ZNF76: variants seen among roughly 807,000 people sequenced by gnomAD.
ZNF76 encodes the protein zinc finger protein 76, also known as zinc finger protein 523.
Under a neutral mutation model 66.9 loss-of-function variants are expected in ZNF76, and 66 were observed. The ratio of observed to expected loss-of-function variants is 0.99; its 90% CI spans 0.81 to 1.21. The LOEUF (loss-of-function observed/expected upper bound fraction) is 1.21, where lower values mean the gene tolerates loss of function less well. Ranked by LOEUF, ZNF76 falls within the 50% of genes most tolerant of loss-of-function variation. The pLI is 0.00. For missense variants in ZNF76, 729 were observed against 760.3 expected (o/e 0.96, Z 0.48); for synonymous variants, 275 against 296.1 (o/e 0.93, Z 0.73).
At chr6:35,260,250 C>G (rs1785026352) in intron 1 of ZNF76, among the ~76,000 whole-genome samples, 1 of 152,112 alleles carries the variant, frequency 6.6e-6, no homozygotes, top group African/African-American at 2.4e-5. Context: ...GAGATCCCCA[C>G]ACTCCTCCTT....
chr6:35,281,150 C>T lies in ZNF76; in HGVS notation c.-2C>T, dbSNP rs750061659. Reference sequence around the variant, plus strand: ...GTCTGAGTGCACGAGCAGCAGTTTGCCATGGAGAGCTTGGGGCTGCACACG... The same window carrying T: ...GTCTGAGTGCACGAGCAGCAGTTTGTCATGGAGAGCTTGGGGCTGCACACG... On this transcript the variant is annotated 5_prime_UTR_variant, in exon 2 of 14. Coordinates refer to ENST00000373953, the MANE Select transcript of ZNF76 (RefSeq NM_003427.5). The T allele has an allele frequency of 6.2e-7, 1 of 1,613,978 alleles. No individual in the cohort carries two copies. Among genetic ancestry groups the T allele is most frequent in the Non-Finnish European group, 8.5e-7 (1 of 1,179,990 alleles).
Position 35,261,970 on chromosome 6 carries a change from A to G in ZNF76, c.-97+2129A>G, listed in dbSNP as rs147706739. ...GTTCATGGCTTAGGCCCCTATAACA[A>G]CAGATTTAATAAGAGAAGATTATAT... On this transcript the variant is annotated intron_variant, in intron 1 of 13. Coordinates refer to ENST00000373953, the MANE Select transcript of ZNF76 (RefSeq NM_003427.5). Among the ~76,000 whole-genome samples, 33 of 152,342 alleles carry G rather than the reference A, an allele frequency of 2.2e-4. No homozygotes were observed. In the East Asian group the frequency reaches 6.2e-3, roughly 28 times the overall value.
At chr6:35,271,182 C>T (rs1787000469) in intron 1 of ZNF76, among the ~76,000 whole-genome samples, 1 of 152,140 alleles carries the variant, frequency 6.6e-6, no homozygotes, top group Non-Finnish European at 1.5e-5. Flanking sequence ...GGACATGTGC[C>T]ATTTTCACGC....
chr6:35,286,604 G>A, intron 4 of ZNF76: 1 of 617,116 alleles, frequency 1.6e-6, no homozygotes, highest in Admixed American at 2.5e-5. Flanking sequence ...CTGCAACTGG[G>A]AGGTGAGCCT....
chr6:35,273,453 G>A (rs1464219887), intron 1 of ZNF76, among the ~76,000 whole-genome samples: 2 of 151,304 alleles, frequency 1.3e-5, no homozygotes, highest in African/African-American at 2.4e-5. Context: ...GGTTATAGGC[G>A]TGAGCCACTG....
intron 1 of ZNF76, among the ~76,000 whole-genome samples, chr6:35,260,830 A>G (rs1785142111): frequency 6.6e-6 from 1 of 152,070 alleles, no homozygotes; most frequent in Admixed American, 6.5e-5. Flanking sequence ...ATTTTTTGCA[A>G]TCATTTTTGT....
rs759340295 is a variant in ZNF76 at position 35,295,193 on chromosome 6, C to G, written c.1658C>G (p.Ala553Gly). The change falls in exon 14 of 14, where the codon GCC becomes GGC. Residue 553 changes from alanine to glycine, a missense_variant. By Grantham distance (60) the Ala-to-Gly change is moderately conservative. Coordinates refer to ENST00000373953, the MANE Select transcript of ZNF76 (RefSeq NM_003427.5). Reference sequence around the variant, plus strand: ...GAGGCCATCAATGTGGCCACTGCGGCCATGCAGCAAGGGGCTGTGACCCTG... The same window carrying G: ...GAGGCCATCAATGTGGCCACTGCGGGCATGCAGCAAGGGGCTGTGACCCTG... ...LEEAINVATA[A>G]MQQGAVTLET... The G allele has an allele frequency of 6.2e-7, 1 of 1,612,364 alleles. No homozygotes were observed. The highest frequency in any genetic ancestry group is 1.1e-5 in the South Asian group (1 of 90,584).
intron 1 of ZNF76, among the ~76,000 whole-genome samples, chr6:35,267,084 C>A (rs916925388): frequency 3.2e-4 from 48 of 151,394 alleles, no homozygotes; most frequent in Middle Eastern, 3.4e-3. Context: ...CAGGCTTGAG[C>A]CACTGCATCC....
intron 9 of ZNF76, 122 bp downstream of exon 9, chr6:35,291,859 G>T: frequency 8.3e-7 from 1 of 1,200,704 alleles, no homozygotes. Flanking sequence ...GCCATTCCAG[G>T]CTGGTCTGGG....
intron 1 of ZNF76, among the ~76,000 whole-genome samples, chr6:35,266,307 C>T (rs192546239): frequency 1.2e-4 from 19 of 152,128 alleles, no homozygotes; most frequent in Admixed American, 1.2e-3. Flanking sequence ...TGCATGCCAG[C>T]GCACCCGGCT....
intron 1 of ZNF76, among the ~76,000 whole-genome samples, chr6:35,280,754 T>C (rs774149362): frequency 5.3e-4 from 81 of 152,278 alleles, no homozygotes; most frequent in Middle Eastern, 3.4e-3. Flanking sequence ...AGCAGTGGGG[T>C]TAACTGCCTG....
Position 35,292,323 on chromosome 6 carries a change from C to A in ZNF76, c.932-231C>A. ...CCCCTTCACTAGCCCCAGCCTTGCC[C>A]TGTCCCCCGTTTCCTTTCCGCCTTG... On this transcript the variant is annotated intron_variant, in intron 9 of 13. Coordinates refer to ENST00000373953, the MANE Select transcript of ZNF76 (RefSeq NM_003427.5). The surrounding 1 kb of genome is among the most constrained non-coding windows in gnomAD (Gnocchi z 4.7). 1 of 583,668 alleles carries A rather than the reference C, an allele frequency of 1.7e-6. No individual in the cohort carries two copies. The highest frequency in any genetic ancestry group is 3.1e-6 in the Non-Finnish European group (1 of 323,642). 36.2% of individuals were successfully genotyped at this position (583,668 alleles called of 1,614,324 possible).
chr6:35,293,750 G>C lies in ZNF76; in HGVS notation c.1330-1G>C. ...AGCTCATCTTCCCCTCCTGTTGGCA[G>C]GTCAGCCTGTCCCCGGAAGACCTGC... On this transcript the variant is annotated splice_acceptor_variant, in intron 11 of 13. Coordinates refer to ENST00000373953, the MANE Select transcript of ZNF76 (RefSeq NM_003427.5). LOFTEE classifies it high-confidence loss of function. 1 of 1,613,682 alleles carries C rather than the reference G, an allele frequency of 6.2e-7. No homozygotes were observed. Among genetic ancestry groups the C allele is most frequent in the Non-Finnish European group, 8.5e-7 (1 of 1,179,778 alleles).
chr6:35,286,742 G>T, intron 4 of ZNF76: 1 of 370,712 alleles, frequency 2.7e-6, no homozygotes, highest in South Asian at 3.1e-5. Context: ...TTAGAATGAA[G>T]CTCCTAAGGT....
chr6:35,279,841 T>C (rs1386659758), intron 1 of ZNF76: 1 of 152,164 alleles, frequency 6.6e-6, no homozygotes, highest in Admixed American at 6.5e-5. Flanking sequence ...ATTTATCTTA[T>C]TATTATTTTT....
rs557142343 is a variant in ZNF76 at position 35,278,231 on chromosome 6, C to T, written c.-96-2825C>T. Among the ~76,000 whole-genome samples the T allele has an allele frequency of 4.6e-5, 7 of 152,204 alleles. 1 individual carries two copies. The highest frequency in any genetic ancestry group is 7.2e-5 in the African/African-American group (3 of 41,534). ...TTGCCCAGGCTGGAGTGCAATGACA[C>T]GATCTCGGCTCACCGCAACCTCTGC... On this transcript the variant is annotated intron_variant, in intron 1 of 13. Transcript: ENST00000373953.
At chr6:35,284,168 T>C (rs1789187248) in intron 2 of ZNF76, among the ~76,000 whole-genome samples, 2 of 152,096 alleles carry the variant, frequency 1.3e-5, no homozygotes, top group Admixed American at 1.3e-4. Context: ...CTCGGCTCAC[T>C]GCAACCTTCG....
intron 1 of ZNF76, among the ~76,000 whole-genome samples, chr6:35,274,512 CT>C (rs1344440366): frequency 6.6e-6 from 1 of 152,192 alleles, no homozygotes; most frequent in East Asian, 1.9e-4. Flanking sequence ...TATTTTTCTC[CT>C]TTGAGGAGGC....
At chr6:35,286,568 G>C in intron 4 of ZNF76, 169 bp downstream of exon 4, 1 of 670,380 alleles carries the variant, frequency 1.5e-6, no homozygotes, top group African/African-American at 1.8e-5. Flanking sequence ...CACCTTCCCT[G>C]GTGCAGACCA....
Sources: allele counts gnomAD v4.1 joint callset (sites outside exome capture counted in the v4.1 genomes callset), GRCh38; gene constraint gnomAD v4.1.1; non-coding constraint Gnocchi (gnomAD v3.1); transcripts MANE v1.5; gene names NCBI Gene and HGNC (gene_info 2026-07-23, HGNC 2026-07-21).